Variants in CHFR observed in about 807,000 individuals in gnomAD.
CHFR encodes E3 ubiquitin-protein ligase CHFR.
A neutral mutation model predicts 87.6 loss-of-function variants in CHFR; 57 were observed. That is an observed-to-expected ratio of 0.65 (90% CI 0.53 to 0.81). The LOEUF (loss-of-function observed/expected upper bound fraction) is 0.81. Ranked by LOEUF, CHFR falls within the 30% of genes least tolerant of loss-of-function variation. CHFR has a pLI of 0.00. For synonymous variants in CHFR, 381 were observed against 359.2 expected, an observed-to-expected ratio of 1.06 and a Z score of -0.69; for missense variants, 797 against 865.8, an observed-to-expected ratio of 0.92 and a Z score of 1.00.
At chr12:132,866,200 C>T (rs1051990954) in intron 6 of CHFR, 3 of 152,212 alleles carry the variant, frequency 2.0e-5, no homozygotes, top group African/African-American at 4.8e-5. Context: ...CACAGTCTTG[C>T]CTGCAACTTA....
At position 132,832,901 on chromosome 12, in the gene CHFR, C is replaced by T. The variant is rs1950626075; in HGVS notation, c.*8653G>A. On this transcript the variant is annotated 3_prime_UTR_variant, in exon 18 of 18. Transcript: ENST00000450056. ...CTCAGAAGGATCCTTCTTGCATTCA[C>T]TCCCTATCCCCTCCACCCAGCCCGA... 1.3e-5 allele frequency: 2 copies of T among 152,254 alleles called. No homozygotes were observed. Among genetic ancestry groups the T allele is most frequent in the African/African-American group, 2.4e-5 (1 of 41,462 alleles). The allele number at this position is 152,254 out of a possible 1,614,324, so 9.4% of individuals were successfully genotyped here.
chr12:132,853,553 C>A lies in CHFR; in HGVS notation c.1250G>T (p.Arg417Leu), dbSNP rs746360566. 6.5e-7 allele frequency: 1 copy of A among 1,530,982 alleles called. No homozygotes were observed. Among genetic ancestry groups the A allele is most frequent in the South Asian group, 1.2e-5 (1 of 82,370 alleles). 94.8% of individuals were successfully genotyped at this position (1,530,982 alleles called of 1,614,324 possible). ...CTGCCTTCTGTACTCAGGACACTGCCGGCACACGACGTATGGCTGGCTGCA... is the reference window on the plus strand; with the variant it reads ...CTGCCTTCTGTACTCAGGACACTGCAGGCACACGACGTATGGCTGGCTGCA... ...SDISQPYVVC[R>L]QCPEYRRQAA... Residue 417 changes from arginine to leucine, a missense_variant, in exon 11 of 18, where the codon CGG (arginine) becomes CTG (leucine). Coordinates refer to ENST00000450056, the MANE Select transcript of CHFR (RefSeq NM_001161346.2).
At chr12:132,862,514 G>A (rs912989747) in intron 6 of CHFR, 17 of 404,760 alleles carry the variant, frequency 4.2e-5, no homozygotes, top group South Asian at 1.5e-4. Context: ...TGAGGTGAGT[G>A]GATCACTTGA....
chr12:132,854,658 T>C (rs1377852900), intron 10 of CHFR: 1 of 150,772 alleles, frequency 6.6e-6, no homozygotes, highest in African/African-American at 2.4e-5. Context: ...TACAAAAAAT[T>C]AGCCGGGCAT....
In CHFR at chr12:132,844,112, G is replaced by A. The variant is rs115566777; in HGVS notation, c.1758C>T (p.Thr586=). 1.6e-5 allele frequency: 25 copies of A among 1,612,714 alleles called. No individual in the cohort carries two copies. The East Asian group carries it at 3.3e-4, about 22-fold the overall frequency. ...GCAGGCCACAGCAGTAACACAGAAC[G>A]GTGTCTCCCGTGACTCTGTAATCTG... ...LLSDYRVTGD[T]VLCYCCGLRS... The change falls in exon 16 of 18, where the codon ACC becomes ACT. Residue 586 remains threonine (T), a synonymous_variant. Transcript: ENST00000450056.
At chr12:132,863,045 C>T (rs868298360) in intron 6 of CHFR, among the ~76,000 whole-genome samples, 54 of 147,556 alleles carry the variant, frequency 3.7e-4, no homozygotes, top group African/African-American at 1.3e-3. Context: ...TACAGGTGCC[C>T]GCCACCACGC....
intron 6 of CHFR, chr12:132,866,135 G>A (rs546413580): frequency 1.3e-5 from 2 of 152,298 alleles, no homozygotes; most frequent in East Asian, 3.9e-4. Context: ...TTTGGTCTCC[G>A]CTGTTCCTCT....
At position 132,870,792 on chromosome 12, in the gene CHFR, AAATC is replaced by A. The variant is rs767989797; in HGVS notation, c.344-13_344-10del. On this transcript the variant is annotated splice_polypyrimidine_tract_variant and intron_variant, in intron 4 of 17. Coordinates refer to ENST00000450056, the MANE Select transcript of CHFR (RefSeq NM_001161346.2). ...ATAGAGGTATGCCACGTCTAAAAGA[AAATC>A]AATCAAATCAGAAAAGTGGTGGCCC... 3 of 1,588,476 alleles carry A rather than the reference AAATC, an allele frequency of 1.9e-6. No individual in the cohort carries two copies. The highest frequency in any genetic ancestry group is 2.2e-5 in the East Asian group (1 of 44,572).
chr12:132,853,720 C>T (rs1950999962), intron 10 of CHFR, 147 bp from the exon 11 acceptor site: 2 of 894,422 alleles, frequency 2.2e-6, no homozygotes, highest in Admixed American at 7.5e-5. Context: ...CCATTCCTGT[C>T]CAGCACCCCA....
At position 132,853,418 on chromosome 12, in the gene CHFR, C is replaced by A; in HGVS notation, c.1372+13G>T. On this transcript the variant is annotated intron_variant, in intron 11 of 17. Coordinates refer to ENST00000450056, the MANE Select transcript of CHFR (RefSeq NM_001161346.2). ...TCACGCGAAGGCTGAGGCCTGAGGG[C>A]GGCGCGGCTCACCTGTCGTCAGGCT... 5 of 1,508,722 alleles carry A rather than the reference C, an allele frequency of 3.3e-6. No homozygotes were observed. The highest frequency in any genetic ancestry group is 3.5e-6 in the Non-Finnish European group (4 of 1,137,714). The allele number at this position is 1,508,722 out of a possible 1,614,324, so 93.5% of individuals were successfully genotyped here.
Position 132,841,425 on chromosome 12 carries a change from C to T in CHFR, c.*129G>A. 1 of 796,052 alleles carries T rather than the reference C, an allele frequency of 1.3e-6. No individual in the cohort carries two copies. Among genetic ancestry groups the T allele is most frequent in the East Asian group, 2.4e-5 (1 of 40,832 alleles). 49.3% of individuals were successfully genotyped at this position (796,052 alleles called of 1,614,324 possible). The stretch of plus-strand genomic sequence containing the variant: ...GCTCCACAGAAGAGTCACCCCAGAG[C>T]ACCTGTCGGAGACCCTGCGTCCCTT... On this transcript the variant is annotated 3_prime_UTR_variant, in exon 18 of 18. Transcript: ENST00000450056.
At chr12:132,878,833 G>GAA (rs546357534) in intron 2 of CHFR, among the ~76,000 whole-genome samples, 7 of 113,976 alleles carry the variant, frequency 6.1e-5, no homozygotes, top group Non-Finnish European at 7.8e-5. Flanking sequence ...AAAAAAAAAA[G>GAA]AAAAAAAAAA....
chr12:132,874,716 A>G (rs1392109511), intron 3 of CHFR, among the ~76,000 whole-genome samples: 35 of 88,846 alleles, frequency 3.9e-4, no homozygotes, highest in African/African-American at 6.0e-4. Context: ...CGGAACAGGC[A>G]GGAAGGCCCG....
intron 4 of CHFR, 43 bp downstream of exon 4, chr12:132,872,241 AC>A (rs753265127): frequency 2.4e-6 from 3 of 1,268,204 alleles, no homozygotes; most frequent in Non-Finnish European, 3.5e-6. Context: ...CCTCACGTGC[AC>A]CCCCGTGCGG....
rs549524419 is a variant in CHFR, at chr12:132,884,859, G to A, written c.133+2337C>T. 7.2e-5 allele frequency among the ~76,000 whole-genome samples: 11 copies of A among 152,280 alleles called. No individual in the cohort carries two copies. In the East Asian group the frequency reaches 1.4e-3, roughly 19 times the overall value. ...CCTAGCACTTTGAGAGGCCGAGGCA[G>A]ACAGATTGCTGGAGCTCAGGAGTTC... On this transcript the variant is annotated intron_variant, in intron 2 of 17. Coordinates refer to ENST00000450056, the MANE Select transcript of CHFR (RefSeq NM_001161346.2).
At chr12:132,869,947 GC>G (rs1951446400) in intron 5 of CHFR, 149 bp from the exon 6 acceptor site, 1 of 885,076 alleles carries the variant, frequency 1.1e-6, no homozygotes, top group African/African-American at 1.7e-5. Context: ...GGTGGTGCAG[GC>G]CTGTAATCCC....
intron 11 of CHFR, 108 bp from the exon 12 acceptor site, chr12:132,851,845 C>G (rs572036778): frequency 5.9e-6 from 8 of 1,363,038 alleles, no homozygotes; most frequent in Admixed American, 4.6e-5. Flanking sequence ...CCTGAGACAG[C>G]CGGGGAAGAA....
At chr12:132,884,442 AAAAT>A (rs959336808) in intron 2 of CHFR, among the ~76,000 whole-genome samples, 2 of 151,334 alleles carry the variant, frequency 1.3e-5, no homozygotes, top group East Asian at 3.9e-4. Flanking sequence ...ATATATATAT[AAAAT>A]AAATAAATAA....
At chr12:132,852,574 A>G (rs78404449) in intron 11 of CHFR, among the ~76,000 whole-genome samples, 1 of 152,322 alleles carries the variant, frequency 6.6e-6, no homozygotes, top group Non-Finnish European at 1.5e-5. Flanking sequence ...AGGTTCACTG[A>G]GCACCCACTG....
Sources: allele counts gnomAD v4.1 joint callset (sites outside exome capture counted in the v4.1 genomes callset), GRCh38; gene constraint gnomAD v4.1.1; transcripts MANE v1.5; gene names NCBI Gene and HGNC (gene_info 2026-07-23, HGNC 2026-07-21).